BICRAL: variants seen among roughly 807,000 people sequenced by gnomAD.
BICRAL encodes the protein BRD4-interacting chromatin-remodeling complex-associated protein-like.
BICRAL carries 8 observed loss-of-function variants against 91.8 expected under a neutral mutation model. The ratio of observed to expected loss-of-function variants is 0.09; its 90% CI spans 0.05 to 0.16. BICRAL has a LOEUF of 0.16. Ranked by LOEUF, BICRAL falls within the 10% of genes least tolerant of loss-of-function variation. The pLI is 1.00. For missense variants in BICRAL, 1,038 were observed against 1,310.9 expected (o/e 0.79, Z 3.21); for synonymous variants, 445 against 491.1 (o/e 0.91, Z 1.24).
intron 6 of BICRAL, among the ~76,000 whole-genome samples, chr6:42,846,617 G>A (rs142387478): frequency 1.5e-3 from 232 of 152,236 alleles, no homozygotes; most frequent in East Asian, 4.6e-3. Context: ...GACTGGAGGG[G>A]TAGTCTTCTG....
chr6:42,811,757 A>T (rs150722194), intron 2 of BICRAL, among the ~76,000 whole-genome samples: 235 of 152,320 alleles, frequency 1.5e-3, no homozygotes, highest in African/African-American at 5.3e-3. Context: ...TGTGTTTAAG[A>T]AAACTTCCTA....
At chr6:42,817,967 T>TAAA (rs11396430) in intron 2 of BICRAL, among the ~76,000 whole-genome samples, 8 of 107,218 alleles carry the variant, frequency 7.5e-5, no homozygotes, top group Admixed American at 1.0e-4. Context: ...ACCCTATCTC[T>TAAA]AAAAAAAAAA....
intron 6 of BICRAL, among the ~76,000 whole-genome samples, chr6:42,838,652 G>C (rs978623462): frequency 1.3e-5 from 2 of 152,084 alleles, no homozygotes; most frequent in African/African-American, 4.8e-5. Context: ...TATTGCCTGG[G>C]ATTTTTCCAG....
intron 1 of BICRAL, among the ~76,000 whole-genome samples, chr6:42,765,884 T>TA (rs779481634): frequency 1.7e-4 from 26 of 152,172 alleles, no homozygotes; most frequent in South Asian, 4.1e-4. Context: ...GATAGAAACT[T>TA]AGTGTGTAGA....
intron 2 of BICRAL, among the ~76,000 whole-genome samples, chr6:42,818,463 C>T (rs574785493): frequency 2.0e-5 from 3 of 152,108 alleles, no homozygotes; most frequent in African/African-American, 4.8e-5. Context: ...GGAGAAAAGC[C>T]TTCTGGGGTA....
intron 9 of BICRAL, 24 bp from the exon 10 acceptor site, chr6:42,857,067 A>G: frequency 6.3e-7 from 1 of 1,589,758 alleles, no homozygotes; most frequent in Non-Finnish European, 8.6e-7. Context: ...CTTTACATTG[A>G]CATTGACCAT....
At chr6:42,842,300 C>T (rs1198423409) in intron 6 of BICRAL, among the ~76,000 whole-genome samples, 1 of 152,202 alleles carries the variant, frequency 6.6e-6, no homozygotes, top group Non-Finnish European at 1.5e-5. Context: ...GCAACCCTAA[C>T]GCCTCCGAAT....
Position 42,804,448 on chromosome 6 carries a change from A to G in BICRAL, c.-101-5858A>G, listed in dbSNP as rs146428354. 6.8e-3 allele frequency among the ~76,000 whole-genome samples: 1,041 copies of G among 152,328 alleles called. 18 individuals are homozygous for G. Among genetic ancestry groups the G allele is most frequent in the African/African-American group, 0.024 (995 of 41,566 alleles). On this transcript the variant is annotated intron_variant, in intron 1 of 12. Transcript: ENST00000314073. ...AAGATGTCAGATGTCCTCTAGGGAT[A>G]TGAATAAGTGAATAATGAATTTTGC...
At chr6:42,761,541 A>G (rs1042563045) in intron 1 of BICRAL, among the ~76,000 whole-genome samples, 1 of 152,202 alleles carries the variant, frequency 6.6e-6, no homozygotes, top group Non-Finnish European at 1.5e-5. Context: ...GTTTCTTTCA[A>G]CTACAAAGTG....
At chr6:42,837,751 CAA>C (rs778479605) in intron 6 of BICRAL, among the ~76,000 whole-genome samples, 14 of 107,996 alleles carry the variant, frequency 1.3e-4, no homozygotes, top group Admixed American at 9.9e-5. Context: ...GACTCCATCT[CAA>C]AAAAAAAAAA....
intron 6 of BICRAL, among the ~76,000 whole-genome samples, chr6:42,833,031 C>T (rs1201159526): frequency 1.3e-5 from 2 of 149,910 alleles, no homozygotes; most frequent in African/African-American, 4.9e-5. Flanking sequence ...GAGATGGGAT[C>T]TTGCTATGTT....
intron 1 of BICRAL, among the ~76,000 whole-genome samples, chr6:42,761,071 T>C (rs542210688): frequency 6.6e-6 from 1 of 152,260 alleles, no homozygotes; most frequent in Non-Finnish European, 1.5e-5. Flanking sequence ...TACTTAAATC[T>C]CTTAAAACTT....
intron 6 of BICRAL, among the ~76,000 whole-genome samples, chr6:42,842,467 C>T (rs116624896): frequency 1.4e-4 from 22 of 152,180 alleles, no homozygotes; most frequent in Admixed American, 1.4e-3. Flanking sequence ...ACCTGGCAGT[C>T]AGGGTTCTCT....
intron 2 of BICRAL, among the ~76,000 whole-genome samples, chr6:42,814,499 G>GTGTGTGTA (rs374054837): frequency 8.2e-5 from 5 of 61,270 alleles, no homozygotes; most frequent in African/African-American, 4.0e-4. Flanking sequence ...GTGTGTGTGT[G>GTGTGTGTA]TATATATATA....
intron 1 of BICRAL, among the ~76,000 whole-genome samples, chr6:42,764,948 C>T (rs1301358558): frequency 1.3e-5 from 2 of 152,154 alleles, no homozygotes; most frequent in African/African-American, 4.8e-5. Flanking sequence ...CATGAGCGAC[C>T]ACGCCCGGCC....
At chr6:42,853,322 TTGGGATTC>T (rs1765253648) in intron 7 of BICRAL, among the ~76,000 whole-genome samples, 1 of 152,126 alleles carries the variant, frequency 6.6e-6, no homozygotes, top group African/African-American at 2.4e-5. Context: ...AAATTGTATT[TTGGGATTC>T]TGTAGTGCTG....
At chr6:42,750,998 C>T (rs936334539) in intron 1 of BICRAL, among the ~76,000 whole-genome samples, 8 of 143,830 alleles carry the variant, frequency 5.6e-5, no homozygotes, top group African/African-American at 2.1e-4. Context: ...CACCTATCAA[C>T]CTGTTATCTA....
At chr6:42,784,182 C>T (rs1763033650) in intron 1 of BICRAL, among the ~76,000 whole-genome samples, 1 of 152,148 alleles carries the variant, frequency 6.6e-6, no homozygotes, top group Non-Finnish European at 1.5e-5. Flanking sequence ...AAAACAGTTT[C>T]TTAGAACTCT....
chr6:42,857,637 T>TATATATATATATATATATA (rs1554283197), intron 10 of BICRAL, among the ~76,000 whole-genome samples: 1 of 94,186 alleles, frequency 1.1e-5, no homozygotes, highest in Non-Finnish European at 1.8e-5. Flanking sequence ...ATATATATAT[T>TATATATATATATATATATA]TTTTAGGAGG....
Sources: gnomAD v4.1 joint callset for allele counts (sites outside exome capture counted in the v4.1 genomes callset) on GRCh38, gnomAD v4.1.1 for gene constraint, MANE v1.5 for transcripts, NCBI Gene and HGNC (gene_info 2026-07-23, HGNC 2026-07-21) for gene names.